The following SH3PXD2B variants were observed in gnomAD, a reference collection of about 807,000 sequenced individuals.
SH3PXD2B encodes SH3 and PX domains 2B.
In SH3PXD2B, 37 loss-of-function variants were observed where a neutral mutation model predicts 73.1. The ratio of observed to expected loss-of-function variants is 0.51; its 90% confidence interval spans 0.39 to 0.67. The LOEUF (loss-of-function observed/expected upper bound fraction) is 0.67. SH3PXD2B is among the 30% of genes least tolerant of loss of function. The pLI is 0.00. For synonymous variants in SH3PXD2B, 457 were observed against 480.5 expected (o/e 0.95, Z 0.64); for missense variants, 1,053 against 1,197.8 (o/e 0.88, Z 1.78).
At chr5:172,435,976 A>C (rs890477721) in intron 1 of SH3PXD2B, among the ~76,000 whole-genome samples, 1 of 152,222 alleles carries the variant, frequency 6.6e-6, no homozygotes, top group African/African-American at 2.4e-5. Flanking sequence ...GATGGGCGCT[A>C]CCTACTTGGC....
Position 172,402,148 on chromosome 5 carries a change from A to C in SH3PXD2B, c.232+4129T>G, listed in dbSNP as rs150138720. On this transcript the variant is annotated intron_variant, in intron 3 of 12. Transcript: ENST00000311601. ...AGAGAATGCATTCCTAGGGGGAGGT[A>C]TCTGAAATGGCCACTCTGGGAACGT... is the stretch of plus-strand genomic sequence containing the variant. 8.3e-3 allele frequency among the ~76,000 whole-genome samples: 1,265 copies of C among 152,284 alleles called. 5 individuals are homozygous for C. The highest frequency in any genetic ancestry group is 0.026 in the South Asian group (127 of 4,818).
At chr5:172,436,126 AG>A (rs1032145396) in intron 1 of SH3PXD2B, among the ~76,000 whole-genome samples, 1 of 152,210 alleles carries the variant, frequency 6.6e-6, no homozygotes, top group African/African-American at 2.4e-5. Flanking sequence ...ATTTCCTTGC[AG>A]GTTCCTTGTG....
chr5:172,374,962 GTAAT>G (rs1325969613), intron 5 of SH3PXD2B, among the ~76,000 whole-genome samples: 1 of 152,234 alleles, frequency 6.6e-6, no homozygotes, highest in Non-Finnish European at 1.5e-5. Context: ...GAGAGGCTAA[GTAAT>G]TTGCTCAAGG....
chr5:172,392,113 A>T (rs951928157), intron 4 of SH3PXD2B, among the ~76,000 whole-genome samples: 8 of 150,778 alleles, frequency 5.3e-5, no homozygotes, highest in Non-Finnish European at 1.0e-4. Flanking sequence ...CTATTTATAT[A>T]TTAAAGACCT....
chr5:172,363,189 T>A (rs1757436730), intron 6 of SH3PXD2B, among the ~76,000 whole-genome samples: 1 of 151,886 alleles, frequency 6.6e-6, no homozygotes, highest in Non-Finnish European at 1.5e-5. Flanking sequence ...CATCCATCCA[T>A]CCATCCATCC....
chr5:172,333,504 G>C lies in SH3PXD2B; in HGVS notation c.*4865C>G. On this transcript the variant is annotated 3_prime_UTR_variant, in exon 13 of 13. Transcript: ENST00000311601. ...AAATCCATAGACACTGCATCTTCATGATGAAGCTTGAAACCAGTCAAGCAC... is the reference window on the plus strand; with the variant it reads ...AAATCCATAGACACTGCATCTTCATCATGAAGCTTGAAACCAGTCAAGCAC... 1 of 1,168,646 alleles carries C rather than the reference G, an allele frequency of 8.6e-7. No homozygotes were observed. Among genetic ancestry groups the C allele is most frequent in the Non-Finnish European group, 1.1e-6 (1 of 936,948 alleles). The allele number at this position is 1,168,646 out of a possible 1,614,324, so 72.4% of individuals were successfully genotyped here. A position where few individuals can be genotyped will look rare whatever the true frequency, so the allele number is the denominator to read the frequency against.
intron 1 of SH3PXD2B, among the ~76,000 whole-genome samples, chr5:172,439,271 A>C (rs1461964903): frequency 1.9e-5 from 1 of 53,110 alleles, no homozygotes; most frequent in African/African-American, 8.1e-5. Flanking sequence ...AAACAAAAAC[A>C]AAAACAAAAC....
Position 172,415,368 on chromosome 5 carries a change from T to C in SH3PXD2B, c.156+7048A>G, listed in dbSNP as rs572826652. Reference sequence around the variant, plus strand: ...AATGGGCCTTAAAAAGGGGCAGCCATAGGCAGGACTCTATGTGGGTAAATC... The same window carrying C: ...AATGGGCCTTAAAAAGGGGCAGCCACAGGCAGGACTCTATGTGGGTAAATC... On this transcript the variant is annotated intron_variant, in intron 2 of 12. Coordinates refer to ENST00000311601, the MANE Select transcript of SH3PXD2B (RefSeq NM_001017995.3). 1.4e-3 allele frequency among the ~76,000 whole-genome samples: 218 copies of C among 152,264 alleles called. 1 individual carries two copies. The highest frequency in any genetic ancestry group is 5.1e-3 in the African/African-American group (210 of 41,560).
chr5:172,453,121 TA>T (rs201613277), intron 1 of SH3PXD2B, among the ~76,000 whole-genome samples: 8 of 149,354 alleles, frequency 5.4e-5, no homozygotes, highest in South Asian at 4.3e-4. Context: ...AATTAGTTCT[TA>T]AAAAAAAAAG....
rs1298331026 is a variant in SH3PXD2B, at chr5:172,344,606, AAAAAAAAAAAG to A, written c.1188+1519_1188+1529del. ...GCTCTGTCAAAAAAAAAAAAAAAAA[AAAAAAAAAAAG>A]GAGGCACTCAATACATGTGTATACA... On this transcript the variant is annotated intron_variant, in intron 12 of 12. Coordinates refer to ENST00000311601, the MANE Select transcript of SH3PXD2B (RefSeq NM_001017995.3). 2.0e-4 allele frequency among the ~76,000 whole-genome samples: 31 copies of A among 151,258 alleles called. 1 individual carries two copies. Among genetic ancestry groups the A allele is most frequent in the Admixed American group, 2.0e-3 (30 of 15,198 alleles).
At position 172,334,277 on chromosome 5, in the gene SH3PXD2B, C is replaced by T. The variant is rs1236079452; in HGVS notation, c.*4092G>A. Reference sequence around the variant, plus strand: ...AAGGAGGTCCATGAGCAGGCAAGGACTGTGGAGCCTCCGGTTCCAGCTCTG... The same window carrying T: ...AAGGAGGTCCATGAGCAGGCAAGGATTGTGGAGCCTCCGGTTCCAGCTCTG... On this transcript the variant is annotated 3_prime_UTR_variant, in exon 13 of 13. Coordinates refer to ENST00000311601, the MANE Select transcript of SH3PXD2B (RefSeq NM_001017995.3). 9.9e-7 allele frequency: 1 copy of T among 1,009,030 alleles called. No individual in the cohort carries two copies. Among genetic ancestry groups the T allele is most frequent in the African/African-American group, 1.7e-5 (1 of 57,374 alleles). 62.5% of individuals were successfully genotyped at this position (1,009,030 alleles called of 1,614,324 possible). A position where few individuals can be genotyped will look rare whatever the true frequency, so the allele number is the denominator to read the frequency against.
rs982042874 is a variant in SH3PXD2B at position 172,334,050 on chromosome 5, C to T, written c.*4319G>A. 26 of 1,163,170 alleles carry T rather than the reference C, an allele frequency of 2.2e-5. No individual in the cohort carries two copies. Among genetic ancestry groups the T allele is most frequent in the Admixed American group, 8.9e-5 (2 of 22,534 alleles). The allele number at this position is 1,163,170 out of a possible 1,614,324, so 72.1% of individuals were successfully genotyped here. ...GTGAAGGCTACCGACTGTGGCACTG[C>T]GTTTGGCCTCTTTGAGGACAGAAGA... On this transcript the variant is annotated 3_prime_UTR_variant, in exon 13 of 13. Coordinates refer to ENST00000311601, the MANE Select transcript of SH3PXD2B (RefSeq NM_001017995.3).
intron 4 of SH3PXD2B, among the ~76,000 whole-genome samples, chr5:172,388,942 C>T (rs1351934687): frequency 6.6e-6 from 1 of 152,216 alleles, no homozygotes; most frequent in Non-Finnish European, 1.5e-5. Context: ...ATGGCTGCCC[C>T]TTAGCCCTGG....
Position 172,346,117 on chromosome 5 carries a change from G to T in SH3PXD2B, c.1188+19C>A. ...AATCAGGAATCACAAGTAGGCAAAG[G>T]AACACCAGGGCCACTCACCTCGACC... On this transcript the variant is annotated intron_variant, in intron 12 of 12. Transcript: ENST00000311601. The T allele has an allele frequency of 6.2e-7, 1 of 1,613,864 alleles. No homozygotes were observed. Among genetic ancestry groups the T allele is most frequent in the South Asian group, 1.1e-5 (1 of 91,046 alleles).
Position 172,355,917 on chromosome 5 carries a change from G to A in SH3PXD2B, c.668-1912C>T, listed in dbSNP as rs35848622. Among the ~76,000 whole-genome samples, 1,256 of 152,280 alleles carry A rather than the reference G, an allele frequency of 8.2e-3. 10 individuals carry two copies. The highest frequency in any genetic ancestry group is 0.011 in the Non-Finnish European group (726 of 68,028). ...GCTCAGTGATTGCACACACAGCAGAGGGTGGAAGACCCTGTAGACTGCAGG... is the reference window on the plus strand; with the variant it reads ...GCTCAGTGATTGCACACACAGCAGAAGGTGGAAGACCCTGTAGACTGCAGG... On this transcript the variant is annotated intron_variant, in intron 8 of 12. Coordinates refer to ENST00000311601, the MANE Select transcript of SH3PXD2B (RefSeq NM_001017995.3).
Position 172,382,134 on chromosome 5 carries a change from A to G in SH3PXD2B, c.310-7T>C, listed in dbSNP as rs149628234. On this transcript the variant is annotated splice_region_variant and splice_polypyrimidine_tract_variant and intron_variant, in intron 4 of 12. Coordinates refer to ENST00000311601, the MANE Select transcript of SH3PXD2B (RefSeq NM_001017995.3). ...GGGGCAGCTGGATGAGGGCCTGGAG[A>G]AGAGAGACGCAGGTGAGTGCAAAGG... 2 of 1,600,784 alleles carry G rather than the reference A, an allele frequency of 1.2e-6. No individual in the cohort carries two copies. The highest frequency in any genetic ancestry group is 2.7e-5 in the African/African-American group (2 of 74,860).
chr5:172,392,430 C>T (rs1452918338), intron 4 of SH3PXD2B, among the ~76,000 whole-genome samples: 1 of 152,050 alleles, frequency 6.6e-6, no homozygotes. Flanking sequence ...CTATGCAGCC[C>T]TAGGAAACGA....
intron 6 of SH3PXD2B, among the ~76,000 whole-genome samples, chr5:172,364,245 G>C (rs531175012): frequency 6.6e-6 from 1 of 152,252 alleles, no homozygotes; most frequent in African/African-American, 2.4e-5. Context: ...TGTGGGGGAA[G>C]GGCAGCCAGA....
At chr5:172,416,421 G>A (rs1200387132) in intron 2 of SH3PXD2B, among the ~76,000 whole-genome samples, 1 of 151,064 alleles carries the variant, frequency 6.6e-6, no homozygotes, top group African/African-American at 2.4e-5. Context: ...TCTGCCTCCC[G>A]GGTTCAAATG....
Sources: allele counts gnomAD v4.1 joint callset (sites outside exome capture counted in the v4.1 genomes callset), GRCh38; gene constraint gnomAD v4.1.1; transcripts MANE v1.5; gene names NCBI Gene and HGNC (gene_info 2026-07-23, HGNC 2026-07-21).